LDLRAD3: variants seen among roughly 807,000 people sequenced by gnomAD.
The protein encoded by LDLRAD3 is low density lipoprotein receptor class A domain containing 3.
A neutral mutation model predicts 29.4 loss-of-function variants in LDLRAD3; 20 were observed. The observed-to-expected ratio is 0.68, with a 90% CI of 0.48 to 0.99. LDLRAD3 has a LOEUF of 0.99. Among genes scored for constraint, LDLRAD3 ranks in the 50% least tolerant of loss-of-function variants. LDLRAD3 has a pLI of 0.00. For synonymous variants in LDLRAD3, 157 were observed against 192.7 expected, an observed-to-expected ratio of 0.81 and a Z score of 1.53; for missense variants, 420 against 454.3, an observed-to-expected ratio of 0.92 and a Z score of 0.69.
intron 4 of LDLRAD3, among the ~76,000 whole-genome samples, chr11:36,134,160 A>G (rs1477487928): frequency 6.6e-6 from 1 of 152,120 alleles, no homozygotes; most frequent in Non-Finnish European, 1.5e-5. Flanking sequence ...CAAGGCAAAA[A>G]TCATAACATC....
At chr11:35,996,906 G>T (rs1035262855) in intron 1 of LDLRAD3, among the ~76,000 whole-genome samples, 2 of 152,160 alleles carry the variant, frequency 1.3e-5, no homozygotes, top group African/African-American at 4.8e-5. Context: ...GGCAGACCTG[G>T]TTCAAGTCTG....
intron 1 of LDLRAD3, among the ~76,000 whole-genome samples, chr11:36,011,800 A>C (rs1237821877): frequency 6.6e-6 from 1 of 152,118 alleles, no homozygotes; most frequent in East Asian, 1.9e-4. Context: ...ATAAGTAGCT[A>C]CCCGATGCAG....
At chr11:36,116,095 A>G (rs1853669961) in intron 4 of LDLRAD3, among the ~76,000 whole-genome samples, 1 of 152,184 alleles carries the variant, frequency 6.6e-6, no homozygotes, top group Non-Finnish European at 1.5e-5. Flanking sequence ...GCTGGGAGGA[A>G]ATGTGAGAAA....
intron 4 of LDLRAD3, among the ~76,000 whole-genome samples, chr11:36,135,155 T>A (rs1050731801): frequency 6.6e-6 from 1 of 152,212 alleles, no homozygotes; most frequent in African/African-American, 2.4e-5. Context: ...GCCTCTCAAC[T>A]TTTCTGTATA....
In LDLRAD3 at chr11:36,157,694, A is replaced by G. The variant is rs373493329; in HGVS notation, c.454+59233A>G. 1.4e-3 allele frequency among the ~76,000 whole-genome samples: 214 copies of G among 152,286 alleles called. 1 individual carries two copies. Among genetic ancestry groups the G allele is most frequent in the African/African-American group, 5.0e-3 (208 of 41,546 alleles). On this transcript the variant is annotated intron_variant, in intron 4 of 5. Coordinates refer to ENST00000315571, the MANE Select transcript of LDLRAD3 (RefSeq NM_174902.4). ...GAGTAGGAGCCATTGGGACCATCAC[A>G]GGAAGATATAGCCCCTGGGTGGGAA...
chr11:36,207,083 C>G (rs1356290148), intron 4 of LDLRAD3, among the ~76,000 whole-genome samples: 1 of 152,136 alleles, frequency 6.6e-6, no homozygotes, highest in Non-Finnish European at 1.5e-5. Flanking sequence ...TGTGATTGCA[C>G]TTCTTCTGTC....
intron 4 of LDLRAD3, among the ~76,000 whole-genome samples, chr11:36,173,717 G>T (rs1854631273): frequency 6.6e-6 from 1 of 152,064 alleles, no homozygotes; most frequent in Non-Finnish European, 1.5e-5. Context: ...TGGGATGGCT[G>T]GGTCAAATGG....
At chr11:36,076,377 T>G (rs1403153353) in intron 2 of LDLRAD3, among the ~76,000 whole-genome samples, 1 of 150,890 alleles carries the variant, frequency 6.6e-6, no homozygotes, top group African/African-American at 2.4e-5. Flanking sequence ...CAGGATTCAC[T>G]TTAGCCTTCT....
chr11:36,025,270 T>C (rs1168468511), intron 1 of LDLRAD3, among the ~76,000 whole-genome samples: 1 of 152,126 alleles, frequency 6.6e-6, no homozygotes, highest in Non-Finnish European at 1.5e-5. Flanking sequence ...TATAATAAAA[T>C]TTTAGCAATG....
At chr11:36,222,338 A>T (rs1590367664) in intron 4 of LDLRAD3, among the ~76,000 whole-genome samples, 1 of 151,176 alleles carries the variant, frequency 6.6e-6, no homozygotes, top group Non-Finnish European at 1.5e-5. Context: ...CCCTACTTTC[A>T]CCTCCCAAAG....
rs1049891267 is a variant in LDLRAD3, at chr11:36,201,042, G to A, written c.455-26043G>A. 4.6e-5 allele frequency among the ~76,000 whole-genome samples: 7 copies of A among 152,310 alleles called. No individual in the cohort carries two copies. In the South Asian group the frequency reaches 8.3e-4, roughly 18 times the overall value. On this transcript the variant is annotated intron_variant, in intron 4 of 5. Coordinates refer to ENST00000315571, the MANE Select transcript of LDLRAD3 (RefSeq NM_174902.4). The stretch of plus-strand genomic sequence containing the variant: ...GAAATGTTTTCTGTTGGTTTGCTGA[G>A]CATGAAAGTGAAGTTTCTTGCATGC...
intron 4 of LDLRAD3, among the ~76,000 whole-genome samples, chr11:36,125,073 T>A (rs1853816151): frequency 6.6e-6 from 1 of 152,204 alleles, no homozygotes; most frequent in South Asian, 2.1e-4. Context: ...GTTTCCCTCC[T>A]CACCCTTAGT....
At chr11:36,038,436 G>A (rs1018315405) in intron 2 of LDLRAD3, among the ~76,000 whole-genome samples, 2 of 152,168 alleles carry the variant, frequency 1.3e-5, no homozygotes, top group Non-Finnish European at 2.9e-5. Flanking sequence ...ACGGATTATC[G>A]TTAGCTGACC....
chr11:36,117,798 A>C (rs1853695509), intron 4 of LDLRAD3, among the ~76,000 whole-genome samples: 1 of 152,236 alleles, frequency 6.6e-6, no homozygotes, highest in South Asian at 2.1e-4. Context: ...CCAATCCTTC[A>C]GCTCCTAATA....
intron 2 of LDLRAD3, among the ~76,000 whole-genome samples, chr11:36,068,128 C>T (rs1486376967): frequency 6.6e-6 from 1 of 151,962 alleles, no homozygotes; most frequent in African/African-American, 2.4e-5. Flanking sequence ...TTCTTGCAGC[C>T]CCCACACTTG....
intron 1 of LDLRAD3, among the ~76,000 whole-genome samples, chr11:35,945,091 A>T (rs938392954): frequency 1.3e-5 from 2 of 152,136 alleles, no homozygotes; most frequent in Admixed American, 1.3e-4. Context: ...TGGGCATCTG[A>T]TGCCTAGAAT....
intron 2 of LDLRAD3, among the ~76,000 whole-genome samples, chr11:36,052,550 G>A (rs1047820735): frequency 6.6e-6 from 1 of 152,220 alleles, no homozygotes; most frequent in African/African-American, 2.4e-5. Flanking sequence ...GGGAGGCAGT[G>A]TGTGGAGTGC....
intron 4 of LDLRAD3, among the ~76,000 whole-genome samples, chr11:36,215,514 C>T (rs1333263956): frequency 1.3e-5 from 2 of 152,138 alleles, no homozygotes; most frequent in African/African-American, 4.8e-5. Context: ...TGTGCAGAGT[C>T]CCGTTTGGCA....
At chr11:36,209,572 C>T (rs1038323073) in intron 4 of LDLRAD3, among the ~76,000 whole-genome samples, 13 of 151,934 alleles carry the variant, frequency 8.6e-5, no homozygotes, top group African/African-American at 3.1e-4. Context: ...GTTGGTCAGG[C>T]TGGTCTCGAA....
Sources: allele counts gnomAD v4.1 joint callset (sites outside exome capture counted in the v4.1 genomes callset), GRCh38; gene constraint gnomAD v4.1.1; transcripts MANE v1.5; gene names NCBI Gene and HGNC (gene_info 2026-07-23, HGNC 2026-07-21).